Variants in CDYL observed in about 807,000 individuals in gnomAD.
CDYL encodes the protein chromodomain Y-like protein.
A neutral mutation model predicts 47.3 loss-of-function variants in CDYL; 8 were observed. The ratio of observed to expected loss-of-function variants is 0.17; its 90% CI spans 0.10 to 0.31. The LOEUF is 0.31. Among genes scored for constraint, CDYL ranks in the 10% least tolerant of loss-of-function variants. The pLI, the probability that CDYL is intolerant of heterozygous loss-of-function variation, is 1.00. For missense variants in CDYL, 471 were observed against 701.4 expected (o/e 0.67, Z 3.71); for synonymous variants, 266 against 265.0 (o/e 1.00, Z -0.04).
intron 2 of CDYL, among the ~76,000 whole-genome samples, chr6:4,719,081 A>C (rs1377729611): frequency 6.6e-6 from 1 of 151,676 alleles, no homozygotes; most frequent in Non-Finnish European, 1.5e-5. Flanking sequence ...GCACCACCAC[A>C]CCTGGCTAAT....
chr6:4,796,729 A>T (rs1248707598), intron 1 of CDYL, among the ~76,000 whole-genome samples: 1 of 152,116 alleles, frequency 6.6e-6, no homozygotes, highest in African/African-American at 2.4e-5. Context: ...CTTTTTATTT[A>T]AAAAAGTTTG....
At chr6:4,909,705 G>A (rs1013820032) in intron 2 of CDYL, among the ~76,000 whole-genome samples, 7 of 151,578 alleles carry the variant, frequency 4.6e-5, no homozygotes, top group African/African-American at 1.7e-4. Flanking sequence ...GATTTAGCTG[G>A]GACTACAGGC....
At chr6:4,721,224 A>G (rs1757363294) in intron 2 of CDYL, among the ~76,000 whole-genome samples, 1 of 152,006 alleles carries the variant, frequency 6.6e-6, no homozygotes, top group Non-Finnish European at 1.5e-5. Context: ...CATTCAAACA[A>G]CCTTATTTTT....
chr6:4,711,575 T>C (rs1018013416), intron 1 of CDYL, among the ~76,000 whole-genome samples: 5 of 152,114 alleles, frequency 3.3e-5, no homozygotes, highest in Admixed American at 1.3e-4. Context: ...TGCTGGGGTT[T>C]TTTTCTGAAA....
At chr6:4,898,780 T>C (rs543916835) in intron 2 of CDYL, among the ~76,000 whole-genome samples, 1 of 152,352 alleles carries the variant, frequency 6.6e-6, no homozygotes, top group South Asian at 2.1e-4. Context: ...CCCAGGAATC[T>C]TTAAAAACAT....
rs567534735 is a variant in CDYL, at chr6:4,707,238, A to G, written c.-39+987A>G. 9.1e-4 allele frequency among the ~76,000 whole-genome samples: 139 copies of G among 152,340 alleles called. 1 individual carries two copies. The highest frequency in any genetic ancestry group is 3.1e-3 in the African/African-American group (130 of 41,586). On this transcript the variant is annotated intron_variant, in intron 1 of 8. Coordinates refer to the CDYL transcript ENST00000328908. ...TCAAGTCATTTGTCCAAGATTACATAGTGAGCAAATGACTAAACTGTAATT... is the reference window on the plus strand; with the variant it reads ...TCAAGTCATTTGTCCAAGATTACATGGTGAGCAAATGACTAAACTGTAATT...
chr6:4,711,922 C>T lies in CDYL; in HGVS notation c.-38-3819C>T, dbSNP rs557009512. Among the ~76,000 whole-genome samples the T allele has an allele frequency of 1.4e-4, 22 of 151,942 alleles. No homozygotes were observed. In the South Asian group the frequency reaches 2.7e-3, roughly 19 times the overall value. ...TCTACAAAAAATACAAAAATTAGCGCGGTGTGGTGGTATGCACCTGTAGAT... is the reference window on the plus strand; with the variant it reads ...TCTACAAAAAATACAAAAATTAGCGTGGTGTGGTGGTATGCACCTGTAGAT... On this transcript the variant is annotated intron_variant, in intron 1 of 8. Transcript: ENST00000328908.
chr6:4,910,685 G>A (rs1757384696), intron 2 of CDYL, among the ~76,000 whole-genome samples: 1 of 152,214 alleles, frequency 6.6e-6, no homozygotes, highest in Non-Finnish European at 1.5e-5. Flanking sequence ...CTATGAAGAG[G>A]GAAAAGGTGT....
chr6:4,713,296 C>T (rs1238489471), intron 1 of CDYL, among the ~76,000 whole-genome samples: 1 of 152,078 alleles, frequency 6.6e-6, no homozygotes, highest in Non-Finnish European at 1.5e-5. Context: ...CTGTGATTCC[C>T]AGTCATGCTG....
chr6:4,728,926 A>T (rs190142133), intron 2 of CDYL, among the ~76,000 whole-genome samples: 34 of 152,314 alleles, frequency 2.2e-4, no homozygotes, highest in African/African-American at 7.0e-4. Flanking sequence ...AGTACATACC[A>T]GGGTGTACCC....
intron 1 of CDYL, among the ~76,000 whole-genome samples, chr6:4,842,126 GT>G (rs1760515924): frequency 7.4e-6 from 1 of 135,842 alleles, no homozygotes; most frequent in Non-Finnish European, 1.6e-5. Context: ...ATATAAACTT[GT>G]TAATATAAAA....
chr6:4,856,573 G>A (rs1015053642), intron 1 of CDYL, among the ~76,000 whole-genome samples: 2 of 152,172 alleles, frequency 1.3e-5, no homozygotes, highest in Admixed American at 6.5e-5. Context: ...ACGCTGTTGC[G>A]ACAGTCGGGG....
rs61073067 is a variant in CDYL at position 4,749,307 on chromosome 6, A to AGATGGATGGATG, written c.186+14485_186+14496dup. Among the ~76,000 whole-genome samples, 817 of 146,610 alleles carry AGATGGATGGATG rather than the reference A, an allele frequency of 5.6e-3. 5 individuals are homozygous for AGATGGATGGATG. Among genetic ancestry groups the AGATGGATGGATG allele is most frequent in the African/African-American group, 0.019 (746 of 39,464 alleles). The stretch of plus-strand genomic sequence containing the variant: ...TGGATGGATGGATGGATGGATGGAT[A>AGATGGATGGATG]GATGGATGGATGGATGGATGGATGG... On this transcript the variant is annotated intron_variant, in intron 3 of 8. Coordinates refer to the CDYL transcript ENST00000328908.
rs9502246 is a variant in CDYL, at chr6:4,892,132, C to T, written c.444C>T (p.Pro148=). ...TCAAGATCCTCGTGCCTAAAAGCCC[C>T]GTTAAGAGCAGGACCGCAGTGGACG... The part of the protein sequence containing the change: ...SGIKILVPKS[P]VKSRTAVDGF... The change falls in exon 2 of 7, where the codon CCC becomes CCT. Residue 148 remains proline (P), a synonymous_variant. Coordinates refer to ENST00000397588, the MANE Select transcript of CDYL (RefSeq NM_004824.4). The T allele has an allele frequency of 2.1e-5, 34 of 1,614,080 alleles. No homozygotes were observed. The highest frequency in any genetic ancestry group is 1.5e-4 in the African/African-American group (11 of 74,940).
intron 1 of CDYL, among the ~76,000 whole-genome samples, chr6:4,804,679 T>C (rs1001279162): frequency 2.6e-5 from 4 of 152,226 alleles, no homozygotes; most frequent in African/African-American, 9.6e-5. Flanking sequence ...TTGACTGTCA[T>C]AGAGACCGCT....
chr6:4,919,151 T>A (rs9392640), intron 2 of CDYL, among the ~76,000 whole-genome samples: 11,844 of 152,188 alleles, frequency 0.078, 571 homozygotes, highest in East Asian at 0.13. Flanking sequence ...CTACTGTCAG[T>A]CATTCAGCAA....
chr6:4,717,614 A>G lies in CDYL; in HGVS notation c.103+1733A>G, dbSNP rs561509089. Among the ~76,000 whole-genome samples, 21 of 147,844 alleles carry G rather than the reference A, an allele frequency of 1.4e-4. No homozygotes were observed. In the East Asian group the frequency reaches 4.1e-3, roughly 29 times the overall value. On this transcript the variant is annotated intron_variant, in intron 2 of 8. Transcript: ENST00000328908. ...TCAGGAGGCTGAAGTGGGAGGCAGAAGCATCACTTGAGCCCAGGAGTTTGC... is the reference window on the plus strand; with the variant it reads ...TCAGGAGGCTGAAGTGGGAGGCAGAGGCATCACTTGAGCCCAGGAGTTTGC...
At chr6:4,952,802 C>G (rs189292955) in intron 6 of CDYL, among the ~76,000 whole-genome samples, 6 of 152,222 alleles carry the variant, frequency 3.9e-5, no homozygotes, top group East Asian at 3.9e-4. Flanking sequence ...GAGTCTCACT[C>G]TGTCGCTCAG....
At position 4,843,867 on chromosome 6, in the gene CDYL, G is replaced by C. The variant is rs563300128; in HGVS notation, c.25-47846G>C. Among the ~76,000 whole-genome samples, 4 of 152,220 alleles carry C rather than the reference G, an allele frequency of 2.6e-5. No homozygotes were observed. The South Asian group carries it at 8.3e-4, about 32-fold the overall frequency. On this transcript the variant is annotated intron_variant, in intron 1 of 6. Transcript: ENST00000397588. ...CTTGTTTTGAATCCATTGCTGTTGA[G>C]GTAGTGTGATCTTTTGGTGTTGTTA...
Sources: gnomAD v4.1 joint callset for allele counts (sites outside exome capture counted in the v4.1 genomes callset) on GRCh38, gnomAD v4.1.1 for gene constraint, MANE v1.5 for transcripts, NCBI Gene and HGNC (gene_info 2026-07-23, HGNC 2026-07-21) for gene names.